Variants in OXR1 observed in about 807,000 individuals in gnomAD.
The protein encoded by OXR1 is oxidation resistance 1.
OXR1 carries 41 observed loss-of-function variants against 104.6 expected under a neutral mutation model. That is an observed-to-expected ratio of 0.39 (90% CI 0.31 to 0.51). OXR1 has a LOEUF of 0.51. OXR1 is among the 20% of genes least tolerant of loss of function. The pLI, the probability that OXR1 is intolerant of heterozygous loss-of-function variation, is 0.77. For synonymous variants in OXR1, 348 were observed against 348.4 expected, an observed-to-expected ratio of 1.00 and a Z score of 0.01; for missense variants, 955 against 1,031.9, an observed-to-expected ratio of 0.93 and a Z score of 1.02.
At chr8:106,354,390 T>C (rs1006118817) in intron 1 of OXR1, among the ~76,000 whole-genome samples, 1 of 152,210 alleles carries the variant, frequency 6.6e-6, no homozygotes, top group Admixed American at 6.5e-5. Flanking sequence ...TTATTCTTCA[T>C]TTTATGCCCA....
At chr8:106,696,750 C>G (rs538036696) in intron 7 of OXR1, among the ~76,000 whole-genome samples, 5 of 151,994 alleles carry the variant, frequency 3.3e-5, no homozygotes, top group Non-Finnish European at 7.4e-5. Flanking sequence ...TCAGAAATGA[C>G]AAATTCTTTA....
intron 3 of OXR1, among the ~76,000 whole-genome samples, chr8:106,670,913 T>A (rs1826879439): frequency 6.6e-6 from 1 of 151,422 alleles, no homozygotes; most frequent in Non-Finnish European, 1.5e-5. Flanking sequence ...GGCGTGGTGG[T>A]GCGTGCCTGT....
At chr8:106,530,131 G>T (rs1012853478) in intron 3 of OXR1, among the ~76,000 whole-genome samples, 1 of 152,178 alleles carries the variant, frequency 6.6e-6, no homozygotes, top group African/African-American at 2.4e-5. Flanking sequence ...GATTTGAACA[G>T]TGAAGTAATA....
intron 6 of OXR1, among the ~76,000 whole-genome samples, chr8:106,685,765 T>C (rs1240035965): frequency 6.6e-6 from 1 of 150,976 alleles, no homozygotes; most frequent in Non-Finnish European, 1.5e-5. Context: ...GATCCAGCAA[T>C]CTCACTACTA....
At chr8:106,687,713 C>CA (rs59561453) in intron 6 of OXR1, among the ~76,000 whole-genome samples, 36,995 of 126,790 alleles carry the variant, frequency 0.29, 5,248 homozygotes, top group South Asian at 0.41. Flanking sequence ...GACTCTGTCT[C>CA]AAAAAAAAAA....
chr8:106,349,473 G>GA (rs1254691900), intron 1 of OXR1, among the ~76,000 whole-genome samples: 2 of 152,090 alleles, frequency 1.3e-5, no homozygotes, highest in East Asian at 3.9e-4. Context: ...GTGACTTCAA[G>GA]ATATGTAGTT....
At chr8:106,702,580 T>A (rs141589646) in intron 7 of OXR1, among the ~76,000 whole-genome samples, 468 of 152,324 alleles carry the variant, frequency 3.1e-3, no homozygotes, top group Middle Eastern at 6.8e-3. Context: ...GGAAGCAGTA[T>A]GCAAATTAAC....
intron 3 of OXR1, among the ~76,000 whole-genome samples, chr8:106,666,827 A>G (rs185998721): frequency 6.6e-6 from 1 of 152,250 alleles, no homozygotes; most frequent in African/African-American, 2.4e-5. Context: ...CCTTAACATG[A>G]TTCTTGCTGA....
At chr8:106,591,292 T>G (rs1326691097) in intron 3 of OXR1, among the ~76,000 whole-genome samples, 9 of 29,314 alleles carry the variant, frequency 3.1e-4, no homozygotes, top group Admixed American at 5.7e-4. Context: ...TGTTGTGGGG[T>G]GGGGGGAGGG....
chr8:106,610,566 C>G (rs1450497634), intron 3 of OXR1, among the ~76,000 whole-genome samples: 2 of 152,190 alleles, frequency 1.3e-5, no homozygotes, highest in African/African-American at 4.8e-5. Context: ...TTTATCCTAT[C>G]CTGTCTCGTA....
At chr8:106,295,446 C>T (rs3019311) in intron 1 of OXR1, among the ~76,000 whole-genome samples, 45,404 of 151,794 alleles carry the variant, frequency 0.3, 7,074 homozygotes, top group East Asian at 0.56. Flanking sequence ...ATAATGTATA[C>T]ATATAATAAC....
rs1281419456 is a variant in OXR1 at position 106,499,003 on chromosome 8, A to C, written c.24-19940A>C. Among the ~76,000 whole-genome samples, 2 of 64,364 alleles carry C rather than the reference A, an allele frequency of 3.1e-5. 1 individual carries two copies. The highest frequency in any genetic ancestry group is 1.2e-4 in the African/African-American group (2 of 16,150). 42.2% of individuals were successfully genotyped at this position (64,364 alleles called of 152,430 possible). Reference sequence around the variant, plus strand: ...AGGTGAAACCCCGTCTCTACTAAAAATACAAAAAATTAGCCGGGCGCGGTG... The same window carrying C: ...AGGTGAAACCCCGTCTCTACTAAAACTACAAAAAATTAGCCGGGCGCGGTG... On this transcript the variant is annotated intron_variant, in intron 2 of 16. Transcript: ENST00000517566.
intron 3 of OXR1, among the ~76,000 whole-genome samples, chr8:106,604,314 G>A (rs963626633): frequency 6.6e-6 from 1 of 152,166 alleles, no homozygotes; most frequent in Non-Finnish European, 1.5e-5. Context: ...GATGCTTGAA[G>A]TCAGGGGTCT....
chr8:106,749,024 T>C (rs1176938056), intron 16 of OXR1, among the ~76,000 whole-genome samples: 1 of 152,092 alleles, frequency 6.6e-6, no homozygotes, highest in Non-Finnish European at 1.5e-5. Context: ...GTTCCTTTCT[T>C]TTGTTCTAAG....
At chr8:106,473,822 C>T (rs1821649416) in intron 2 of OXR1, among the ~76,000 whole-genome samples, 1 of 149,810 alleles carries the variant, frequency 6.7e-6, no homozygotes, top group African/African-American at 2.4e-5. Flanking sequence ...GATACGGAGC[C>T]TCATTTTCTT....
intron 1 of OXR1, among the ~76,000 whole-genome samples, chr8:106,287,113 A>G (rs1812532545): frequency 6.6e-6 from 1 of 152,144 alleles, no homozygotes; most frequent in Non-Finnish European, 1.5e-5. Flanking sequence ...GAGCATTTCA[A>G]ATGTCCTGTA....
intron 1 of OXR1, among the ~76,000 whole-genome samples, chr8:106,274,219 G>A (rs1370206715): frequency 6.6e-6 from 1 of 152,144 alleles, no homozygotes; most frequent in African/African-American, 2.4e-5. Flanking sequence ...CAAGCCTTTC[G>A]ATTCCGTAGC....
chr8:106,420,034 T>G (rs1818841209), intron 2 of OXR1, among the ~76,000 whole-genome samples: 1 of 152,056 alleles, frequency 6.6e-6, no homozygotes, highest in Non-Finnish European at 1.5e-5. Flanking sequence ...AGGAGGAAAA[T>G]AACTTGTGCT....
chr8:106,467,773 C>A (rs1821254134), intron 2 of OXR1, among the ~76,000 whole-genome samples: 10 of 151,802 alleles, frequency 6.6e-5, no homozygotes. Flanking sequence ...ATATCTCTCC[C>A]CACTGGATTC....
Sources: gnomAD v4.1 joint callset for allele counts (sites outside exome capture counted in the v4.1 genomes callset) on GRCh38, gnomAD v4.1.1 for gene constraint, MANE v1.5 for transcripts, NCBI Gene and HGNC (gene_info 2026-07-23, HGNC 2026-07-21) for gene names.